AKAP9: variants seen among roughly 807,000 people sequenced by gnomAD.
AKAP9 encodes the protein A-kinase anchor protein 9.
A neutral mutation model predicts 488.5 loss-of-function variants in AKAP9; 311 were observed. The observed-to-expected ratio is 0.64, with a 90% confidence interval of 0.58 to 0.70. The LOEUF is 0.70. AKAP9 is among the 30% of genes least tolerant of loss of function. The pLI is 0.00. For missense variants in AKAP9, 4,215 were observed against 4,374.5 expected, an observed-to-expected ratio of 0.96 and a Z score of 1.03; for synonymous variants, 1,462 against 1,483.5, an observed-to-expected ratio of 0.99 and a Z score of 0.33.
intron 12 of AKAP9, among the ~76,000 whole-genome samples, chr7:92,019,331 G>C (rs1801992234): frequency 6.6e-6 from 1 of 151,700 alleles, no homozygotes; most frequent in Non-Finnish European, 1.5e-5. Context: ...TAATAGAGAA[G>C]GGCTTTCACC....
intron 20 of AKAP9, 176 bp downstream of exon 20, chr7:92,042,947 C>T: frequency 2.2e-6 from 1 of 448,078 alleles, no homozygotes; most frequent in East Asian, 3.8e-5. Flanking sequence ...TTCAGTTTTT[C>T]ATCATTAAAT....
intron 37 of AKAP9, 90 bp from the exon 38 acceptor site, chr7:92,089,295 G>A: frequency 6.9e-7 from 1 of 1,452,948 alleles, no homozygotes. Flanking sequence ...TAGTATGTGT[G>A]TTCCATTCAT....
At chr7:92,088,791 C>T (rs1186900175) in intron 37 of AKAP9, among the ~76,000 whole-genome samples, 3 of 152,078 alleles carry the variant, frequency 2.0e-5, no homozygotes, top group South Asian at 4.2e-4. Flanking sequence ...ACCAAGAAAA[C>T]TAATGTGAAA....
At chr7:92,040,991 T>A in intron 18 of AKAP9, 93 bp downstream of exon 18, 1 of 1,133,194 alleles carries the variant, frequency 8.8e-7, no homozygotes, top group Non-Finnish European at 1.3e-6. Context: ...ACAGTATTTT[T>A]TATGTAGCCA....
At chr7:91,949,864 G>T (rs1337293988) in intron 1 of AKAP9, among the ~76,000 whole-genome samples, 1 of 152,018 alleles carries the variant, frequency 6.6e-6, no homozygotes, top group Non-Finnish European at 1.5e-5. Flanking sequence ...TTTGTTTTCA[G>T]TTACCATCAG....
rs771217403 is a variant in AKAP9 at position 92,062,311 on chromosome 7, T to C, written c.5802T>C (p.Phe1934=). 1 of 1,613,776 alleles carries C rather than the reference T, an allele frequency of 6.2e-7. No individual in the cohort carries two copies. The highest frequency in any genetic ancestry group is 1.3e-5 in the African/African-American group (1 of 75,014). Residue 1934 remains phenylalanine (F), a synonymous_variant, in exon 24 of 50, where the codon TTT becomes TTC. Transcript: ENST00000356239. ...GCTATGCAGATGAAAAAACTCTTTTTGAAAGGCAAATTCAGGAAAAAACTG... is the reference window on the plus strand; with the variant it reads ...GCTATGCAGATGAAAAAACTCTTTTCGAAAGGCAAATTCAGGAAAAAACTG... The part of the protein sequence containing the change: ...IDGYADEKTL[F]ERQIQEKTDI...
intron 1 of AKAP9, among the ~76,000 whole-genome samples, chr7:91,962,243 A>G (rs1793821555): frequency 1.3e-5 from 2 of 152,222 alleles, no homozygotes; most frequent in African/African-American, 2.4e-5. Context: ...TTGGATATAT[A>G]TGATCTTGTT....
rs114151095 is a variant in AKAP9 at position 92,106,982 on chromosome 7, C to T, written c.11417-311C>T. On this transcript the variant is annotated intron_variant, in intron 47 of 49. Coordinates refer to ENST00000356239, the MANE Select transcript of AKAP9 (RefSeq NM_005751.5). ...TTCCCACAAGCCACACCCACTCAGA[C>T]ACCCCTCACCTCTCATCTACTTAGA... Among the ~76,000 whole-genome samples the T allele has an allele frequency of 0.011, 1,609 of 152,294 alleles. 25 individuals carry two copies. The highest frequency in any genetic ancestry group is 0.037 in the African/African-American group (1,529 of 41,552).
chr7:92,052,902 C>T lies in AKAP9; in HGVS notation c.5545C>T (p.Arg1849Ter), dbSNP rs1808225272. Reference protein sequence around the residue: ...NEELMLNISSRLQAAVEKLLE... With the variant: ...NEELMLNISS ...AGAACTTATGCTGAACATTAGCTCT[C>T]GACTACAAGCAGCAGTTGAAAAACT... Residue 1849 changes from arginine to a stop codon, truncating the protein, a stop_gained, in exon 22 of 50, where the codon CGA (arginine) becomes TGA (stop). Coordinates refer to ENST00000356239, the MANE Select transcript of AKAP9 (RefSeq NM_005751.5). LOFTEE classifies it high-confidence loss of function. The T allele has an allele frequency of 1.2e-6, 2 of 1,613,742 alleles. No homozygotes were observed. Among genetic ancestry groups the T allele is most frequent in the Non-Finnish European group, 1.7e-6 (2 of 1,179,838 alleles).
chr7:91,990,595 C>G (rs976531310), intron 3 of AKAP9, among the ~76,000 whole-genome samples: 54 of 151,954 alleles, frequency 3.6e-4, no homozygotes, highest in Non-Finnish European at 1.2e-4. Flanking sequence ...ATTTGCTTAT[C>G]TGAATTAGAG....
chr7:91,949,152 A>G (rs182250262), intron 1 of AKAP9, among the ~76,000 whole-genome samples: 48 of 151,828 alleles, frequency 3.2e-4, no homozygotes, highest in African/African-American at 1.1e-3. Flanking sequence ...TTATATATGT[A>G]TATAAAATAT....
At chr7:91,947,065 T>C (rs1791535684) in intron 1 of AKAP9, among the ~76,000 whole-genome samples, 1 of 152,196 alleles carries the variant, frequency 6.6e-6, no homozygotes, top group Non-Finnish European at 1.5e-5. Flanking sequence ...TTAGTCACTT[T>C]ATGTAATTGC....
Position 92,102,472 on chromosome 7 carries a change from C to CTACTACTACTAA in AKAP9, c.11098-111_11098-110insATACTACTACTA, listed in dbSNP as rs1817715407. ...ATTACTACTACTACTACTACTACTA[C>CTACTACTACTAA]TACTACTACTACTACTACCACCACC... is the stretch of plus-strand genomic sequence containing the variant. On this transcript the variant is annotated intron_variant, in intron 45 of 49. Transcript: ENST00000356239. The CTACTACTACTAA allele has an allele frequency of 5.7e-6, 4 of 701,166 alleles. No individual in the cohort carries two copies. The Admixed American group carries it at 6.5e-5, about 11-fold the overall frequency. 43.4% of individuals were successfully genotyped at this position (701,166 alleles called of 1,614,324 possible). A position where few individuals can be genotyped will look rare whatever the true frequency, so the allele number is the denominator to read the frequency against.
chr7:91,952,807 A>AG (rs1415128980), intron 1 of AKAP9, among the ~76,000 whole-genome samples: 1 of 152,024 alleles, frequency 6.6e-6, no homozygotes, highest in Non-Finnish European at 1.5e-5. Flanking sequence ...TCTATTAATG[A>AG]GGGGTATTTT....
At chr7:92,070,822 A>AG (rs1012368458) in intron 27 of AKAP9, 83 bp from the exon 28 acceptor site, 33 of 918,730 alleles carry the variant, frequency 3.6e-5, no homozygotes, top group Non-Finnish European at 5.5e-5. Context: ...AAAAAAAAAA[A>AG]AAAGCAGACC....
At chr7:92,094,177 A>G (rs1355478160) in intron 39 of AKAP9, among the ~76,000 whole-genome samples, 3 of 152,136 alleles carry the variant, frequency 2.0e-5, no homozygotes, top group Non-Finnish European at 2.9e-5. Context: ...CTATTTTGTA[A>G]CAATAAATTG....
At chr7:91,942,829 G>T (rs1245614546) in intron 1 of AKAP9, among the ~76,000 whole-genome samples, 3 of 152,090 alleles carry the variant, frequency 2.0e-5, no homozygotes, top group Admixed American at 6.6e-5. Context: ...AATTTTTGTT[G>T]TAAAAGATTA....
chr7:91,959,328 T>C (rs10240900), intron 1 of AKAP9, among the ~76,000 whole-genome samples: 3,374 of 152,190 alleles, frequency 0.022, 144 homozygotes, highest in African/African-American at 0.078. Context: ...CTCACTCTGT[T>C]GCCCAGGCTG....
intron 8 of AKAP9, among the ~76,000 whole-genome samples, chr7:92,011,806 A>G (rs1021389872): frequency 2.6e-5 from 4 of 152,204 alleles, no homozygotes; most frequent in Non-Finnish European, 4.4e-5. Flanking sequence ...CCCTGGTGAC[A>G]TAACAGTGAA....
Sources: allele counts gnomAD v4.1 joint callset (sites outside exome capture counted in the v4.1 genomes callset), GRCh38; gene constraint gnomAD v4.1.1; transcripts MANE v1.5; gene names NCBI Gene and HGNC (gene_info 2026-07-23, HGNC 2026-07-21).